SHROOM2: variants seen among roughly 807,000 people sequenced by gnomAD.
SHROOM2 encodes the protein shroom family member 2.
SHROOM2 carries 33 observed loss-of-function variants against 75.9 expected under a neutral mutation model. That is an observed-to-expected ratio of 0.43 (90% CI 0.33 to 0.58). The LOEUF is 0.58. SHROOM2 is among the 20% of genes least tolerant of loss of function. SHROOM2 has a pLI of 0.04. For missense variants in SHROOM2, 1,434 were observed against 1,461.2 expected (o/e 0.98, Z 0.30); for synonymous variants, 655 against 663.6 (o/e 0.99, Z 0.20).
Position 9,894,631 on chromosome X carries a change from C to G in SHROOM2, c.723C>G (p.Leu241=), listed in dbSNP as rs200157143. The G allele has an allele frequency of 1.7e-6, 2 of 1,210,799 alleles. No homozygotes were observed. The highest frequency in any genetic ancestry group is 2.2e-5 in the Admixed American group (1 of 45,957). ...AGAACATCCTCTACACTGTGGGCCT[C>G]TGGGAGGCTCCCAGGCAGGGTGGCC... ...SAENILYTVG[L]WEAPRQGGRQ... Residue 241 remains leucine (L), a synonymous_variant, in exon 4 of 10, where the codon CTC becomes CTG. Coordinates refer to ENST00000380913, the MANE Select transcript of SHROOM2 (RefSeq NM_001649.4).
At chrX:9,833,220 T>C (rs934554513) in intron 1 of SHROOM2, among the ~76,000 whole-genome samples, 1 of 111,406 alleles carries the variant, frequency 9.0e-6, no homozygotes, top group Admixed American at 9.5e-5. Context: ...GTAACGGGAA[T>C]CTGCCAGTTG....
At chrX:9,823,071 C>CTCCCTTCTCCTTCTCCTT (rs2083865308) in intron 1 of SHROOM2, among the ~76,000 whole-genome samples, 1 of 21,020 alleles carries the variant, frequency 4.8e-5, no homozygotes, top group East Asian at 3.0e-3. Context: ...TCCTCCTCCT[C>CTCCCTTCTCCTTCTCCTT]CTCCCTTCTC....
intron 1 of SHROOM2, among the ~76,000 whole-genome samples, chrX:9,817,206 C>T (rs2083827467): frequency 9.1e-6 from 1 of 109,671 alleles, no homozygotes; most frequent in Non-Finnish European, 1.9e-5. Flanking sequence ...CCCCTGACCT[C>T]AAGTGATCCA....
intron 9 of SHROOM2, among the ~76,000 whole-genome samples, chrX:9,946,117 A>G (rs1401412368): frequency 8.9e-6 from 1 of 112,862 alleles, no homozygotes; most frequent in Non-Finnish European, 1.9e-5. Flanking sequence ...CTGCTGGCCG[A>G]CACCCGTGCA....
chrX:9,802,846 T>C (rs772564379), intron 1 of SHROOM2, among the ~76,000 whole-genome samples: 92 of 110,345 alleles, frequency 8.3e-4, no homozygotes, highest in African/African-American at 3.0e-3. Context: ...CTGAGAGTGA[T>C]CTGTCTGGAT....
intron 1 of SHROOM2, among the ~76,000 whole-genome samples, chrX:9,810,854 T>C (rs1357195733): frequency 9.0e-6 from 1 of 111,355 alleles, no homozygotes; most frequent in Non-Finnish European, 1.9e-5. Flanking sequence ...CAAAAGGCCA[T>C]TCCACCGTTC....
intron 1 of SHROOM2, among the ~76,000 whole-genome samples, chrX:9,809,691 C>T (rs1331660973): frequency 8.9e-6 from 1 of 112,416 alleles, no homozygotes; most frequent in African/African-American, 3.2e-5. Flanking sequence ...TTTTTTGAGA[C>T]AGAGTCTCGC....
intron 6 of SHROOM2, among the ~76,000 whole-genome samples, chrX:9,936,018 G>T (rs2084701038): frequency 9.0e-6 from 1 of 111,497 alleles, no homozygotes; most frequent in Admixed American, 9.5e-5. Flanking sequence ...CTGTGGCATT[G>T]CTGGGCCTGT....
At position 9,896,364 on chromosome X, in the gene SHROOM2, A is replaced by G; in HGVS notation, c.2456A>G (p.His819Arg). Residue 819 changes from histidine to arginine, a missense_variant, in exon 4 of 10, where the codon CAC becomes CGC. His to Arg is a conservative substitution (Grantham distance 29, BLOSUM62 0). Around this residue, in one of 3 missense-constraint regions of SHROOM2, gnomAD observed 1,340 missense variants for 1,338.3 expected, o/e 1.00. Coordinates refer to ENST00000380913, the MANE Select transcript of SHROOM2 (RefSeq NM_001649.4). The part of the protein sequence containing the change: ...PQRPAQKQAL[H>R]GIPRDKPERP... ...AGGCCTGCCCAGAAGCAAGCTCTTC[A>G]CGGAATCCCGAGAGACAAGCCAGAG... 1 of 1,212,311 alleles carries G rather than the reference A, an allele frequency of 8.2e-7. No individual in the cohort carries two copies.
At chrX:9,848,510 C>CACAAAAAAAAAA (rs1555927073) in intron 1 of SHROOM2, among the ~76,000 whole-genome samples, 16 of 21,995 alleles carry the variant, frequency 7.3e-4, no homozygotes, top group African/African-American at 2.0e-3. Flanking sequence ...GACTCCGTCT[C>CACAAAAAAAAAA]AAAAAAAAAA....
chrX:9,815,524 A>G (rs1255583685), intron 1 of SHROOM2, among the ~76,000 whole-genome samples: 1 of 106,968 alleles, frequency 9.3e-6, no homozygotes, highest in Non-Finnish European at 1.9e-5. Flanking sequence ...TATCATATAT[A>G]GAGATCCATT....
rs1314495330 is a variant in SHROOM2 at position 9,947,893 on chromosome X, C to T, written c.*956C>T. On this transcript the variant is annotated 3_prime_UTR_variant, in exon 10 of 10. Coordinates refer to ENST00000380913, the MANE Select transcript of SHROOM2 (RefSeq NM_001649.4). ...CCACATTCCATGGACGGGAAGACCC[C>T]TTCCTCTTCAGAGGTCCCGTGGACT... 1 of 112,348 alleles carries T rather than the reference C, an allele frequency of 8.9e-6. No homozygotes were observed. Among genetic ancestry groups the T allele is most frequent in the African/African-American group, 3.2e-5 (1 of 30,882 alleles). The allele number at this position is 112,348 out of a possible 1,213,427, so 9.3% of individuals were successfully genotyped here. A position where few individuals can be genotyped will look rare whatever the true frequency, so the allele number is the denominator to read the frequency against.
chrX:9,891,182 T>A, intron 3 of SHROOM2, 74 bp downstream of exon 3: 1 of 1,077,739 alleles, frequency 9.3e-7, no homozygotes. Context: ...GACTGCAGAA[T>A]GATTTTGATG....
intron 1 of SHROOM2, among the ~76,000 whole-genome samples, chrX:9,802,420 C>G (rs977195154): frequency 1.8e-5 from 2 of 112,552 alleles, no homozygotes; most frequent in African/African-American, 6.5e-5. Flanking sequence ...GAATGATTTG[C>G]TGGTCTCCCA....
chrX:9,812,992 C>G (rs1569139191), intron 1 of SHROOM2, among the ~76,000 whole-genome samples: 1 of 112,267 alleles, frequency 8.9e-6, no homozygotes, highest in East Asian at 2.8e-4. Flanking sequence ...GTGTCATTCT[C>G]CAAGATCCAT....
chrX:9,898,334 G>A lies in SHROOM2; in HGVS notation c.2891+44G>A, dbSNP rs755911878. On this transcript the variant is annotated intron_variant, in intron 5 of 9. Transcript: ENST00000380913. ...CAGAGTTACTGAAGAGGCGTCTGAG[G>A]GTGGGCTTCTGTACGATGGGTGGGT... The A allele has an allele frequency of 3.9e-6, 4 of 1,013,438 alleles. No homozygotes were observed. In the African/African-American group the frequency reaches 7.6e-5, roughly 19 times the overall value. 83.5% of individuals were successfully genotyped at this position (1,013,438 alleles called of 1,213,427 possible).
rs557145372 is a variant in SHROOM2, at chrX:9,818,360, G to A, written c.165+31650G>A. The A allele has an allele frequency of 6.5e-3, 1,627 of 250,682 alleles. 6 individuals are homozygous for A. Among genetic ancestry groups the A allele is most frequent in the Middle Eastern group, 0.027 (50 of 1,869 alleles). 20.7% of individuals were successfully genotyped at this position (250,682 alleles called of 1,213,427 possible). A position where few individuals can be genotyped will look rare whatever the true frequency, so the allele number is the denominator to read the frequency against. On this transcript the variant is annotated intron_variant, in intron 1 of 9. Coordinates refer to ENST00000380913, the MANE Select transcript of SHROOM2 (RefSeq NM_001649.4). Reference sequence around the variant, plus strand: ...CTCATCTTCATCTTCTTCACCACCAGAAGATTCTTCCTCTGCCTCCATTTT... The same window carrying A: ...CTCATCTTCATCTTCTTCACCACCAAAAGATTCTTCCTCTGCCTCCATTTT...
At position 9,947,828 on chromosome X, in the gene SHROOM2, C is replaced by T. The variant is rs1362541935; in HGVS notation, c.*891C>T. The T allele has an allele frequency of 1.8e-5, 2 of 112,360 alleles. No homozygotes were observed. The highest frequency in any genetic ancestry group is 3.8e-5 in the Non-Finnish European group (2 of 53,315). 9.3% of individuals were successfully genotyped at this position (112,360 alleles called of 1,213,427 possible). The stretch of plus-strand genomic sequence containing the variant: ...TTGTCCGTGATAATTGGCTACTTTT[C>T]CATTGTTTCCTCCTTAAATCGTTTA... On this transcript the variant is annotated 3_prime_UTR_variant, in exon 10 of 10. Coordinates refer to ENST00000380913, the MANE Select transcript of SHROOM2 (RefSeq NM_001649.4).
rs1569160599 is a variant in SHROOM2, at chrX:9,894,582, C to T, written c.674C>T (p.Ser225Phe). The T allele has an allele frequency of 8.3e-7, 1 of 1,211,964 alleles. No individual in the cohort carries two copies. The highest frequency in any genetic ancestry group is 1.7e-5 in the African/African-American group (1 of 57,863). Reference sequence around the variant, plus strand: ...TCTAGCACTCCTGACCACACCTTGTCCAAAGCCGACACGTCCTCCGCAGAG... The same window carrying T: ...TCTAGCACTCCTGACCACACCTTGTTCAAAGCCGACACGTCCTCCGCAGAG... ...TSSSTPDHTL[S>F]KADTSSAENI... is the part of the protein sequence containing the mutation. Residue 225 changes from serine to phenylalanine, a missense_variant, in exon 4 of 10, where the codon TCC (serine) becomes TTC (phenylalanine). Around this residue, in one of 3 missense-constraint regions of SHROOM2, gnomAD observed 1,340 missense variants for 1,338.3 expected, o/e 1.00. Transcript: ENST00000380913.
Sources: gnomAD v4.1 joint callset for allele counts (sites outside exome capture counted in the v4.1 genomes callset) on GRCh38, gnomAD v4.1.1 for gene constraint, gnomAD v4.1.1 regional missense constraint, MANE v1.5 for transcripts, NCBI Gene and HGNC (gene_info 2026-07-23, HGNC 2026-07-21) for gene names.